ACTR2: variants seen among roughly 807,000 people sequenced by gnomAD.
ACTR2 encodes the protein actin-related protein 2.
Under a neutral mutation model 50.2 loss-of-function variants are expected in ACTR2, and 5 were observed. The observed-to-expected ratio is 0.10, with a 90% CI of 0.05 to 0.21. ACTR2 has a LOEUF of 0.21. Ranked by LOEUF, ACTR2 falls within the 10% of genes least tolerant of loss-of-function variation. The pLI is 1.00. For synonymous variants in ACTR2, 140 were observed against 162.9 expected (o/e 0.86, Z 1.07); for missense variants, 180 against 480.6 (o/e 0.37, Z 5.85).
chr2:65,241,168 C>A (rs1301799585), intron 2 of ACTR2, among the ~76,000 whole-genome samples: 39 of 152,134 alleles, frequency 2.6e-4, no homozygotes, highest in Admixed American at 2.4e-3. Context: ...TGAATGAATT[C>A]TATCTTAAAT....
intron 5 of ACTR2, 97 bp from the exon 6 acceptor site, chr2:65,255,448 T>C (rs746142451): frequency 9.3e-7 from 1 of 1,079,006 alleles, no homozygotes; most frequent in Non-Finnish European, 1.3e-6. Flanking sequence ...CCATTCTGTT[T>C]GTTATTGATG....
chr2:65,233,910 C>CT (rs1263210437), intron 1 of ACTR2, among the ~76,000 whole-genome samples: 22 of 151,072 alleles, frequency 1.5e-4, no homozygotes, highest in Admixed American at 6.0e-4. Context: ...CACACTCAGC[C>CT]TTTTTTTTTC....
rs553759621 is a variant in ACTR2 at position 65,261,898 on chromosome 2, C to T, written c.881+506C>T. Among the ~76,000 whole-genome samples the T allele has an allele frequency of 9.0e-4, 137 of 152,288 alleles. 1 individual carries two copies. The highest frequency in any genetic ancestry group is 3.3e-3 in the African/African-American group (136 of 41,558). On this transcript the variant is annotated intron_variant, in intron 7 of 8. Transcript: ENST00000260641. Reference sequence around the variant, plus strand: ...TTTTCTCCACATCCTCGCCAGTATTCGTTACCTTTCCTCTTTTTGATAATA... The same window carrying T: ...TTTTCTCCACATCCTCGCCAGTATTTGTTACCTTTCCTCTTTTTGATAATA...
At chr2:65,228,941 G>A (rs1460177654) in intron 1 of ACTR2, among the ~76,000 whole-genome samples, 1 of 152,098 alleles carries the variant, frequency 6.6e-6, no homozygotes, top group Admixed American at 6.5e-5. Context: ...TTAGCCGGCC[G>A]TGGTGGTGCT....
Position 65,237,326 on chromosome 2 carries a change from C to T in ACTR2, c.49-2526C>T, listed in dbSNP as rs535765279. On this transcript the variant is annotated intron_variant, in intron 1 of 8. Transcript: ENST00000260641. ...CATGATCACGGCAGCCTTAACCTCC[C>T]AGGCTCAAGTGATCCTCCCACCTCA... 3.3e-5 allele frequency among the ~76,000 whole-genome samples: 5 copies of T among 152,234 alleles called. No homozygotes were observed. The South Asian group carries it at 8.3e-4, about 25-fold the overall frequency.
chr2:65,229,028 C>G (rs1573143180), intron 1 of ACTR2, among the ~76,000 whole-genome samples: 1 of 151,732 alleles, frequency 6.6e-6, no homozygotes, highest in Non-Finnish European at 1.5e-5. Flanking sequence ...TGCAGTGAGC[C>G]GAGATTGCGC....
intron 6 of ACTR2, among the ~76,000 whole-genome samples, chr2:65,259,111 C>G (rs775015501): frequency 6.6e-6 from 1 of 151,824 alleles, no homozygotes; most frequent in African/African-American, 2.4e-5. Context: ...TAGCTGGGAC[C>G]AAAGCTGGAA....
intron 1 of ACTR2, among the ~76,000 whole-genome samples, chr2:65,237,767 C>T (rs1015122604): frequency 1.3e-5 from 2 of 152,000 alleles, no homozygotes; most frequent in African/African-American, 4.8e-5. Flanking sequence ...GCAGGTGGAC[C>T]ACTTGAGGTC....
At chr2:65,232,991 G>C (rs1671668321) in intron 1 of ACTR2, among the ~76,000 whole-genome samples, 1 of 149,042 alleles carries the variant, frequency 6.7e-6, no homozygotes, top group Admixed American at 6.8e-5. Flanking sequence ...ATCACATCAT[G>C]GTTTAGTTTT....
At chr2:65,256,201 T>TAAGA (rs1244164820) in intron 6 of ACTR2, among the ~76,000 whole-genome samples, 1 of 152,190 alleles carries the variant, frequency 6.6e-6, no homozygotes, top group Non-Finnish European at 1.5e-5. Flanking sequence ...ATTAGTGATC[T>TAAGA]AAGAAACATA....
chr2:65,237,025 A>G (rs1005413794), intron 1 of ACTR2, among the ~76,000 whole-genome samples: 2 of 152,232 alleles, frequency 1.3e-5, no homozygotes, highest in African/African-American at 4.8e-5. Context: ...CATACTGTTA[A>G]GTCAACAGCA....
chr2:65,227,832 C>T lies in ACTR2; in HGVS notation c.-78C>T. On this transcript the variant is annotated 5_prime_UTR_variant, in exon 1 of 9. Coordinates refer to ENST00000260641, the MANE Select transcript of ACTR2 (RefSeq NM_005722.4). Reference sequence around the variant, plus strand: ...GGCCGAAGGAGGGGCCGGGAAGACGCAAGAGGAAGAAGAGAAAACGGCCGG... The same window carrying T: ...GGCCGAAGGAGGGGCCGGGAAGACGTAAGAGGAAGAAGAGAAAACGGCCGG... The T allele has an allele frequency of 6.9e-7, 1 of 1,454,468 alleles. No homozygotes were observed. The highest frequency in any genetic ancestry group is 9.1e-7 in the Non-Finnish European group (1 of 1,094,844). The allele number at this position is 1,454,468 out of a possible 1,614,324, so 90.1% of individuals were successfully genotyped here.
At chr2:65,261,049 G>A (rs1250995155) in intron 6 of ACTR2, among the ~76,000 whole-genome samples, 198 bp from the exon 7 acceptor site, 1 of 152,012 alleles carries the variant, frequency 6.6e-6, no homozygotes, top group Admixed American at 6.6e-5. Context: ...ATTTTTAAAA[G>A]CAAAACAGAA....
At position 65,270,390 on chromosome 2, in the gene ACTR2, A is replaced by G. The variant is rs566393182; in HGVS notation, c.*1656A>G. On this transcript the variant is annotated 3_prime_UTR_variant, in exon 9 of 9. Transcript: ENST00000260641. The stretch of plus-strand genomic sequence containing the variant: ...AAGTGTTTTTTGTCTGTTTTACCTC[A>G]ATTTGAACAGATAAGTTTGCCTGCA... The G allele has an allele frequency of 1.3e-5, 2 of 152,688 alleles. No homozygotes were observed. The highest frequency in any genetic ancestry group is 4.8e-5 in the African/African-American group (2 of 41,550). The allele number at this position is 152,688 out of a possible 1,614,324, so 9.5% of individuals were successfully genotyped here. A position where few individuals can be genotyped will look rare whatever the true frequency, so the allele number is the denominator to read the frequency against.
In ACTR2 at chr2:65,263,948, G is replaced by A. The variant is rs572027307; in HGVS notation, c.882-1095G>A. 3.9e-5 allele frequency among the ~76,000 whole-genome samples: 6 copies of A among 152,236 alleles called. No individual in the cohort carries two copies. The South Asian group carries it at 1.0e-3, about 26-fold the overall frequency. On this transcript the variant is annotated intron_variant, in intron 7 of 8. Coordinates refer to ENST00000260641, the MANE Select transcript of ACTR2 (RefSeq NM_005722.4). ...CGGGTGCCTGTAATCCCAGCTACTCGGGAGGCTGAGGCAGGAGAATGGCGT... is the reference window on the plus strand; with the variant it reads ...CGGGTGCCTGTAATCCCAGCTACTCAGGAGGCTGAGGCAGGAGAATGGCGT...
At chr2:65,245,031 A>G (rs536954487) in intron 2 of ACTR2, among the ~76,000 whole-genome samples, 1 of 152,150 alleles carries the variant, frequency 6.6e-6, no homozygotes, top group African/African-American at 2.4e-5. Context: ...ACTTCATAAG[A>G]AATTGCAACA....
chr2:65,238,431 G>A (rs1472626452), intron 1 of ACTR2, among the ~76,000 whole-genome samples: 2 of 151,540 alleles, frequency 1.3e-5, no homozygotes, highest in African/African-American at 4.9e-5. Context: ...AGGCTGAGGC[G>A]GGCAGATCAC....
At chr2:65,228,242 T>C in intron 1 of ACTR2, 1 of 356,968 alleles carries the variant, frequency 2.8e-6, no homozygotes, top group South Asian at 1.2e-4. Flanking sequence ...AGGGACCTGC[T>C]CCGCGCTAAT....
At chr2:65,250,307 T>G (rs998925039) in intron 3 of ACTR2, among the ~76,000 whole-genome samples, 8 of 150,322 alleles carry the variant, frequency 5.3e-5, no homozygotes, top group Non-Finnish European at 1.0e-4. Context: ...GAGGTTGCAG[T>G]GAGCTGAGAT....
Sources: allele counts gnomAD v4.1 joint callset (sites outside exome capture counted in the v4.1 genomes callset), GRCh38; gene constraint gnomAD v4.1.1; transcripts MANE v1.5; gene names NCBI Gene and HGNC (gene_info 2026-07-23, HGNC 2026-07-21).